KLF8: variants seen among roughly 807,000 people sequenced by gnomAD.
The protein encoded by KLF8 is KLF transcription factor 8, also known as Krueppel-like factor 8.
KLF8 carries 10 observed loss-of-function variants against 18.2 expected under a neutral mutation model. The observed-to-expected ratio is 0.55, with a 90% CI of 0.34 to 0.93. The LOEUF is 0.93. KLF8 is among the 40% of genes least tolerant of loss of function. The probability of loss-of-function intolerance (pLI) is 0.02; values close to 1 mark genes in which losing one functional copy is unlikely to be tolerated. For synonymous variants in KLF8, 109 were observed against 97.3 expected (o/e 1.12, Z -0.71); for missense variants, 264 against 277.9 (o/e 0.95, Z 0.36).
At chrX:55,948,621 T>C in the KLF8 span, among the ~76,000 whole-genome samples, 1 of 112,075 alleles carries the variant, frequency 8.9e-6, no homozygotes, top group Non-Finnish European at 1.9e-5. Flanking sequence ...TTGTTTAATA[T>C]TTCTTTATAA....
chrX:56,070,354 A>T, the KLF8 span, among the ~76,000 whole-genome samples: 2 of 111,612 alleles, frequency 1.8e-5, no homozygotes, highest in Admixed American at 1.9e-4. Context: ...ACCATGGCAC[A>T]TGTGTACCTA....
At chrX:56,079,316 C>T in the KLF8 span, among the ~76,000 whole-genome samples, 1 of 110,558 alleles carries the variant, frequency 9.0e-6, no homozygotes, top group African/African-American at 3.3e-5. Flanking sequence ...GCTTTGAATG[C>T]ATCCCAGAGA....
At chrX:55,911,670 A>G in the KLF8 span, among the ~76,000 whole-genome samples, 3 of 111,858 alleles carry the variant, frequency 2.7e-5, no homozygotes, top group African/African-American at 9.7e-5. Flanking sequence ...GAAAGAAGAA[A>G]AAAGCCAAGG....
At chrX:56,230,289 TGAA>T (rs779505705), upstream of KLF8, among the ~76,000 whole-genome samples, 403 of 112,347 alleles carry the variant, frequency 3.6e-3, 2 homozygotes, top group Non-Finnish European at 6.7e-3. Context: ...TTCACACACT[TGAA>T]TCTAAGAGAA....
chrX:56,056,160 TC>T, the KLF8 span, among the ~76,000 whole-genome samples: 1 of 111,800 alleles, frequency 8.9e-6, no homozygotes, highest in Non-Finnish European at 1.9e-5. Context: ...TTGTCAGGGT[TC>T]TTGTGTTGGT....
chrX:56,134,834 C>T, the KLF8 span, among the ~76,000 whole-genome samples: 1 of 110,353 alleles, frequency 9.1e-6, no homozygotes, highest in Non-Finnish European at 1.9e-5. Flanking sequence ...AAAAAAATCC[C>T]ATCAAAAAGT....
the KLF8 span, among the ~76,000 whole-genome samples, chrX:56,175,982 T>C: frequency 2.3e-4 from 26 of 111,933 alleles, no homozygotes; most frequent in East Asian, 5.9e-3. Context: ...ATTTTGAGCC[T>C]AAGTGTGTCT....
intron 2 of KLF8, among the ~76,000 whole-genome samples, chrX:56,260,509 A>T (rs753231241): frequency 8.9e-6 from 1 of 112,079 alleles, no homozygotes; most frequent in African/African-American, 3.2e-5. Context: ...ATATGCATAC[A>T]TATACATATG....
the KLF8 span, among the ~76,000 whole-genome samples, chrX:56,137,459 C>A: frequency 9.5e-6 from 1 of 105,777 alleles, no homozygotes; most frequent in African/African-American, 3.5e-5. Context: ...TTTGTAGGGA[C>A]ATGGATGAAA....
chrX:56,176,575 T>C, the KLF8 span, among the ~76,000 whole-genome samples: 3 of 111,031 alleles, frequency 2.7e-5, no homozygotes, highest in Non-Finnish European at 5.7e-5. Context: ...CTGACAATTA[T>C]GTGTTTTGGA....
the KLF8 span, among the ~76,000 whole-genome samples, chrX:56,109,139 G>C: frequency 9.0e-6 from 1 of 111,189 alleles, no homozygotes; most frequent in African/African-American, 3.3e-5. Context: ...GCTCATACTT[G>C]TAATCCCAGC....
the KLF8 span, among the ~76,000 whole-genome samples, chrX:55,947,727 A>G: frequency 9.0e-6 from 1 of 111,640 alleles, no homozygotes; most frequent in South Asian, 3.8e-4. Flanking sequence ...CCTAAGTCTA[A>G]CCCCTCATGA....
At chrX:56,110,990 C>T in the KLF8 span, among the ~76,000 whole-genome samples, 1 of 111,705 alleles carries the variant, frequency 9.0e-6, no homozygotes, top group Non-Finnish European at 1.9e-5. Context: ...AAGGGACTCT[C>T]TCTACCATTT....
the KLF8 span, among the ~76,000 whole-genome samples, chrX:56,119,594 G>A: frequency 9.1e-6 from 1 of 109,722 alleles, no homozygotes; most frequent in African/African-American, 3.3e-5. Context: ...TAGAGACGAG[G>A]TTTCACCATA....
At chrX:55,962,937 G>A in the KLF8 span, among the ~76,000 whole-genome samples, 1 of 112,365 alleles carries the variant, frequency 8.9e-6, no homozygotes. Flanking sequence ...CTCCCATGAT[G>A]GAGCAACCTT....
the KLF8 span, among the ~76,000 whole-genome samples, chrX:55,997,141 G>A: frequency 2.7e-5 from 3 of 111,742 alleles, no homozygotes; most frequent in Non-Finnish European, 5.7e-5. Flanking sequence ...AGCCAGGCAG[G>A]GACCCTGGGG....
At chrX:56,106,411 A>C in the KLF8 span, among the ~76,000 whole-genome samples, 1 of 111,398 alleles carries the variant, frequency 9.0e-6, no homozygotes, top group African/African-American at 3.3e-5. Flanking sequence ...GGCTTTGTTC[A>C]TTTGTTTTTA....
At chrX:55,908,417 TG>T in the KLF8 span, 2 of 294,327 alleles carry the variant, frequency 6.8e-6, no homozygotes, top group Non-Finnish European at 1.2e-5. Context: ...TAGTAGTAGA[TG>T]GGGTGGAGCC....
the KLF8 span, among the ~76,000 whole-genome samples, chrX:56,082,119 C>G: frequency 9.0e-6 from 1 of 111,605 alleles, no homozygotes; most frequent in Admixed American, 9.5e-5. Context: ...ATTACTAATT[C>G]AAGCTCCTTA....
Sources: gnomAD v4.1 joint callset for allele counts (sites outside exome capture counted in the v4.1 genomes callset) on GRCh38, gnomAD v4.1.1 for gene constraint, MANE v1.5 for transcripts, NCBI Gene and HGNC (gene_info 2026-07-23, HGNC 2026-07-21) for gene names.